IGSF10: variants seen among roughly 807,000 people sequenced by gnomAD.
IGSF10 encodes the protein immunoglobulin superfamily member 10.
IGSF10 carries 126 observed loss-of-function variants against 128.2 expected under a neutral mutation model. The observed-to-expected ratio is 0.98, with a 90% confidence interval of 0.85 to 1.14. The LOEUF is 1.14. Ranked by LOEUF, IGSF10 falls within the 50% of genes most tolerant of loss-of-function variation. The pLI is 0.00. For synonymous variants in IGSF10, 1,185 were observed against 1,146.2 expected (o/e 1.03, Z -0.68); for missense variants, 3,295 against 3,149.8 (o/e 1.05, Z -1.10).
chr3:151,443,873 A>G lies in IGSF10; in HGVS notation c.5074T>C (p.Ser1692Pro), dbSNP rs1285043504. 1 of 1,595,072 alleles carries G rather than the reference A, an allele frequency of 6.3e-7. No homozygotes were observed. The highest frequency in any genetic ancestry group is 1.7e-5 in the Admixed American group (1 of 57,810). ...ACCCTGCTATTCTGTTTCCTCTTAG[A>G]TAAATCAAGTCCTGAGAAGAAAAAA... ...WTRVPSGLDL[S>P]KRKQNSRVQV... is the part of the protein sequence containing the mutation. Residue 1692 changes from serine to proline, a missense_variant, in exon 7 of 8, where the codon TCT (serine) becomes CCT (proline). Transcript: ENST00000282466.
At chr3:151,476,807 G>A in the IGSF10 span, among the ~76,000 whole-genome samples, 4 of 152,192 alleles carry the variant, frequency 2.6e-5, no homozygotes, top group Non-Finnish European at 5.9e-5. Flanking sequence ...GATTTCATGA[G>A]CATTTTCTAA....
At chr3:151,571,819 C>T in the IGSF10 span, among the ~76,000 whole-genome samples, 5 of 152,168 alleles carry the variant, frequency 3.3e-5, no homozygotes. Context: ...GGGAATGCTT[C>T]CAGTTTTTGC....
chr3:151,475,645 C>A, the IGSF10 span, among the ~76,000 whole-genome samples: 2 of 152,154 alleles, frequency 1.3e-5, no homozygotes, highest in Non-Finnish European at 2.9e-5. Context: ...TCTGCATGTC[C>A]TTTTTTTGTC....
chr3:151,448,203 A>AGAT lies in IGSF10; in HGVS notation c.1775_1777dup (p.Asp592_Leu593insHis), dbSNP rs1721316147. The AGAT allele has an allele frequency of 6.2e-7, 1 of 1,614,238 alleles. No homozygotes were observed. The highest frequency in any genetic ancestry group is 8.5e-7 in the Non-Finnish European group (1 of 1,180,038). On this transcript the variant is annotated inframe_insertion, in exon 6 of 8. Transcript: ENST00000282466. ...TGGGATACCAGTAGAATGGCATGGA[A>AGAT]GATCAAGTGTTTCACCAATGAAAAC...
At position 151,438,285 on chromosome 3, in the gene IGSF10, C is replaced by T. The variant is rs140636759; in HGVS notation, c.6276G>A (p.Arg2092=). ...TGTTGAAAAGGGTATATCTCCTAGT[C>T]CTGTGGCCACTGTCATCGGCTTGCA... ...NAMQADDSGH[R]TRRYTLFNNG... is the part of the protein sequence containing the mutation. The change falls in exon 8 of 8, where the codon AGG becomes AGA. Residue 2092 remains arginine, a synonymous_variant. Transcript: ENST00000282466. The T allele has an allele frequency of 2.1e-5, 34 of 1,614,068 alleles. No individual in the cohort carries two copies. In the African/African-American group the frequency reaches 3.7e-4, roughly 18 times the overall value.
chr3:151,448,123 T>C lies in IGSF10; in HGVS notation c.1858A>G (p.Arg620Gly), dbSNP rs868291427. The change falls in exon 6 of 8, where the codon AGA (arginine) becomes GGA (glycine). Residue 620 changes from arginine to glycine, a missense_variant. Coordinates refer to ENST00000282466, the MANE Select transcript of IGSF10 (RefSeq NM_178822.5). Reference sequence around the variant, plus strand: ...CCATTGTTTAGAACTTTCTTGTCTCTTGATGACTGATAGAGCACATTGTTT... The same window carrying C: ...CCATTGTTTAGAACTTTCTTGTCTCCTGATGACTGATAGAGCACATTGTTT... ...PGNNVLYQSS[R>G]DKKVLNNGTL... The C allele has an allele frequency of 1.2e-6, 2 of 1,614,070 alleles. No individual in the cohort carries two copies. Among genetic ancestry groups the C allele is most frequent in the African/African-American group, 2.7e-5 (2 of 74,928 alleles).
the IGSF10 span, among the ~76,000 whole-genome samples, chr3:151,504,831 C>A: frequency 2.0e-5 from 3 of 152,244 alleles, no homozygotes; most frequent in African/African-American, 7.2e-5. Flanking sequence ...GCAGCTGTTT[C>A]TGTACTGATA....
chr3:151,592,221 TACACACACACACACAC>T, the IGSF10 span, among the ~76,000 whole-genome samples: 1 of 150,338 alleles, frequency 6.7e-6, no homozygotes, highest in Non-Finnish European at 1.5e-5. Flanking sequence ...TTGAGATTAA[TACACACACACACACAC>T]ACACACACAC....
chr3:151,604,618 CA>C, the IGSF10 span, among the ~76,000 whole-genome samples: 1 of 151,030 alleles, frequency 6.6e-6, no homozygotes, highest in Non-Finnish European at 1.5e-5. Flanking sequence ...CACACACACA[CA>C]CACACACATA....
chr3:151,577,012 G>A, the IGSF10 span, among the ~76,000 whole-genome samples: 1 of 152,096 alleles, frequency 6.6e-6, no homozygotes, highest in Non-Finnish European at 1.5e-5. Flanking sequence ...ATTCCTTCCT[G>A]CACAAAGCCA....
At chr3:151,472,404 A>T in the IGSF10 span, among the ~76,000 whole-genome samples, 2 of 152,190 alleles carry the variant, frequency 1.3e-5, no homozygotes, top group Non-Finnish European at 2.9e-5. Context: ...TCTTCCAGTG[A>T]TAGAGGAACT....
chr3:151,606,668 T>C, the IGSF10 span, among the ~76,000 whole-genome samples: 3 of 152,170 alleles, frequency 2.0e-5, no homozygotes. Context: ...GTCATTTACC[T>C]TTAGGTGCAA....
chr3:151,560,703 C>T, the IGSF10 span, among the ~76,000 whole-genome samples: 1 of 39,646 alleles, frequency 2.5e-5, no homozygotes, highest in Non-Finnish European at 5.2e-5. Context: ...ATTGCCATAG[C>T]CCCCCCCTCC....
chr3:151,442,600 G>A (rs2108541017), intron 7 of IGSF10, among the ~76,000 whole-genome samples: 1 of 140,044 alleles, frequency 7.1e-6, no homozygotes, highest in African/African-American at 2.7e-5. Context: ...TGTTGGCCGA[G>A]CTGGTCCTGA....
chr3:151,512,185 C>T, the IGSF10 span, among the ~76,000 whole-genome samples: 6 of 152,138 alleles, frequency 3.9e-5, no homozygotes, highest in African/African-American at 1.4e-4. Context: ...CACACCACAC[C>T]TATTCCAAAA....
intron 5 of IGSF10, among the ~76,000 whole-genome samples, chr3:151,450,415 T>C (rs555822441): frequency 3.9e-5 from 6 of 152,302 alleles, no homozygotes; most frequent in African/African-American, 1.2e-4. Context: ...TTCCCATGTG[T>C]GCACATGTCC....
At chr3:151,599,750 G>A in the IGSF10 span, among the ~76,000 whole-genome samples, 2 of 152,002 alleles carry the variant, frequency 1.3e-5, no homozygotes, top group Admixed American at 6.5e-5. Flanking sequence ...GTGGATATTT[G>A]TATTTTTTTT....
At chr3:151,517,009 C>G in the IGSF10 span, among the ~76,000 whole-genome samples, 1 of 151,914 alleles carries the variant, frequency 6.6e-6, no homozygotes, top group Non-Finnish European at 1.5e-5. Flanking sequence ...GCCTGGAAGT[C>G]TTCACTCTTC....
the IGSF10 span, among the ~76,000 whole-genome samples, chr3:151,471,244 CTG>C: frequency 7.5e-3 from 1,136 of 152,306 alleles, 13 homozygotes; most frequent in Non-Finnish European, 0.011. Context: ...CCATGTGGAA[CTG>C]TGAGTTAATT....
Sources: gnomAD v4.1 joint callset for allele counts (sites outside exome capture counted in the v4.1 genomes callset) on GRCh38, gnomAD v4.1.1 for gene constraint, MANE v1.5 for transcripts, NCBI Gene and HGNC (gene_info 2026-07-23, HGNC 2026-07-21) for gene names.